ARID2: variants seen among roughly 807,000 people sequenced by gnomAD.
The protein encoded by ARID2 is AT-rich interactive domain-containing protein 2.
ARID2 carries 32 observed loss-of-function variants against 184.6 expected under a neutral mutation model. That is an observed-to-expected ratio of 0.17 (90% CI 0.13 to 0.23). The LOEUF is 0.23. Ranked by LOEUF, ARID2 falls within the 10% of genes least tolerant of loss-of-function variation. The pLI is 1.00. For missense variants in ARID2, 1,696 were observed against 2,197.6 expected (o/e 0.77, Z 4.56); for synonymous variants, 836 against 772.6 (o/e 1.08, Z -1.36).
chr12:45,884,427 A>G (rs1944153149), intron 16 of ARID2, among the ~76,000 whole-genome samples: 1 of 152,202 alleles, frequency 6.6e-6, no homozygotes, highest in African/African-American at 2.4e-5. Flanking sequence ...AAACATTGTT[A>G]TAATACCTGA....
intron 16 of ARID2, among the ~76,000 whole-genome samples, chr12:45,883,710 G>A (rs772142475): frequency 2.6e-5 from 4 of 151,420 alleles, no homozygotes; most frequent in African/African-American, 7.3e-5. Context: ...GACATACCAG[G>A]TTTCAAATCC....
At chr12:45,899,652 G>GTT (rs1820653150) in intron 20 of ARID2, among the ~76,000 whole-genome samples, 1 of 65,192 alleles carries the variant, frequency 1.5e-5, no homozygotes, top group South Asian at 5.0e-4. Context: ...TATATATTTG[G>GTT]TTATATATAT....
At chr12:45,837,180 A>T in intron 8 of ARID2, 141 bp from the exon 9 acceptor site, 1 of 1,109,154 alleles carries the variant, frequency 9.0e-7, no homozygotes, top group Non-Finnish European at 1.3e-6. Flanking sequence ...ATGATGCTTT[A>T]AATTCAGAAA....
At chr12:45,744,028 T>C (rs1941314077) in intron 3 of ARID2, among the ~76,000 whole-genome samples, 2 of 152,206 alleles carry the variant, frequency 1.3e-5, no homozygotes, top group Non-Finnish European at 2.9e-5. Flanking sequence ...GAATTTTACC[T>C]GTATACTTGG....
chr12:45,737,607 C>T (rs1234456338), intron 3 of ARID2, among the ~76,000 whole-genome samples: 1 of 149,994 alleles, frequency 6.7e-6, no homozygotes, highest in African/African-American at 2.5e-5. Flanking sequence ...TTTAGTTGTC[C>T]CCTTTTAGTG....
Position 45,852,366 on chromosome 12 carries a change from A to G in ARID2, c.4243A>G (p.Ile1415Val), listed in dbSNP as rs142794344. The stretch of plus-strand genomic sequence containing the variant: ...TGCCAAAGGTGATCAACTAGAAAGA[A>G]TTTCTAATGGACCTGTATTAACTTT... ...DTAKGDQLER[I>V]SNGPVLTLGG... The change falls in exon 15 of 21, where the codon ATT becomes GTT. Residue 1415 changes from isoleucine (I) to valine (V), a missense_variant. Around this residue, in one of 11 missense-constraint regions of ARID2, gnomAD observed 428 missense variants for 409.1 expected, o/e 1.05. Transcript: ENST00000334344. 1.2e-6 allele frequency: 2 copies of G among 1,614,062 alleles called. No homozygotes were observed. The highest frequency in any genetic ancestry group is 1.7e-6 in the Non-Finnish European group (2 of 1,180,024).
chr12:45,895,792 C>G (rs911634340), intron 20 of ARID2, among the ~76,000 whole-genome samples: 7 of 152,214 alleles, frequency 4.6e-5, no homozygotes, highest in Non-Finnish European at 1.0e-4. Flanking sequence ...CTCGGCCTCC[C>G]AAAGTGCTGG....
At position 45,837,900 on chromosome 12, in the gene ARID2, C is replaced by T. The variant is rs1270427276; in HGVS notation, c.1330+193C>T. On this transcript the variant is annotated intron_variant, in intron 10 of 20. Coordinates refer to ENST00000334344, the MANE Select transcript of ARID2 (RefSeq NM_152641.4). ...GTGATGGCTATTTTTACAATAATTACATTCTTTAACGTTATGCAACATTGT... is the reference window on the plus strand; with the variant it reads ...GTGATGGCTATTTTTACAATAATTATATTCTTTAACGTTATGCAACATTGT... Among the ~76,000 whole-genome samples the T allele has an allele frequency of 2.0e-5, 3 of 152,130 alleles. No homozygotes were observed. In the East Asian group the frequency reaches 5.8e-4, roughly 29 times the overall value.
chr12:45,789,786 A>T (rs1863787949), intron 3 of ARID2: 1 of 152,188 alleles, frequency 6.6e-6, no homozygotes, highest in Admixed American at 6.5e-5. Context: ...TATCATTATA[A>T]TGTGACCCTT....
chr12:45,815,303 C>A (rs1232472035), intron 4 of ARID2, among the ~76,000 whole-genome samples: 2 of 152,080 alleles, frequency 1.3e-5, no homozygotes, highest in Non-Finnish European at 2.9e-5. Flanking sequence ...ATTACTTTTT[C>A]TCCAGATATT....
chr12:45,893,404 T>G lies in ARID2; in HGVS notation c.5148-16T>G, dbSNP rs765804504. 6.2e-7 allele frequency: 1 copy of G among 1,604,080 alleles called. No homozygotes were observed. The highest frequency in any genetic ancestry group is 1.7e-5 in the Admixed American group (1 of 58,388). Reference sequence around the variant, plus strand: ...CACGTTAATTCTCTCTCTCTCTCTCTCTCTGATCAATTTAGGCAGCCAACT... The same window carrying G: ...CACGTTAATTCTCTCTCTCTCTCTCGCTCTGATCAATTTAGGCAGCCAACT... On this transcript the variant is annotated splice_polypyrimidine_tract_variant and intron_variant, in intron 18 of 20. Transcript: ENST00000334344.
At chr12:45,830,479 C>G (rs888162013) in intron 6 of ARID2, among the ~76,000 whole-genome samples, 1 of 152,062 alleles carries the variant, frequency 6.6e-6, no homozygotes, top group African/African-American at 2.4e-5. Context: ...GCCCTTTTGC[C>G]TCCTTTTCTT....
At chr12:45,854,341 C>G (rs1288769951) in intron 15 of ARID2, among the ~76,000 whole-genome samples, 12 of 152,154 alleles carry the variant, frequency 7.9e-5, no homozygotes, top group Admixed American at 7.9e-4. Flanking sequence ...TCTCCTCACT[C>G]CCTGGTCTGT....
intron 20 of ARID2, among the ~76,000 whole-genome samples, chr12:45,899,671 T>TTTTATA (rs1555161485): frequency 8.9e-5 from 4 of 45,124 alleles, no homozygotes; most frequent in Non-Finnish European, 2.1e-4. Context: ...ATATATATGG[T>TTTTATA]TATATATGGT....
chr12:45,803,123 T>C (rs1021813516), intron 3 of ARID2, among the ~76,000 whole-genome samples: 12 of 152,214 alleles, frequency 7.9e-5, no homozygotes, highest in East Asian at 7.7e-4. Context: ...TCTTCCATGT[T>C]AGAGCTTTCC....
chr12:45,831,833 T>A (rs1024018050), intron 6 of ARID2, among the ~76,000 whole-genome samples: 2 of 152,212 alleles, frequency 1.3e-5, no homozygotes, highest in Non-Finnish European at 2.9e-5. Flanking sequence ...TGTTGTTAGT[T>A]GCATACACAT....
At chr12:45,902,086 A>G (rs747062931) in intron 20 of ARID2, among the ~76,000 whole-genome samples, 2 of 152,198 alleles carry the variant, frequency 1.3e-5, no homozygotes, top group Non-Finnish European at 1.5e-5. Context: ...GGTTTTTACT[A>G]GTGTTGCTTA....
chr12:45,830,777 C>T (rs1290233121), intron 6 of ARID2, among the ~76,000 whole-genome samples: 2 of 152,066 alleles, frequency 1.3e-5, no homozygotes, highest in African/African-American at 4.8e-5. Flanking sequence ...TGGCTGGGCA[C>T]GGTGGCTCAC....
At chr12:45,755,191 C>T (rs551630366) in intron 3 of ARID2, among the ~76,000 whole-genome samples, 7 of 152,274 alleles carry the variant, frequency 4.6e-5, no homozygotes, top group African/African-American at 1.4e-4. Flanking sequence ...GAGCTTTATT[C>T]TGCATATAGT....
Sources: allele counts gnomAD v4.1 joint callset (sites outside exome capture counted in the v4.1 genomes callset), GRCh38; gene constraint gnomAD v4.1.1; regional missense constraint gnomAD v4.1.1; transcripts MANE v1.5; gene names NCBI Gene and HGNC (gene_info 2026-07-23, HGNC 2026-07-21).